Variants in STS observed in about 807,000 individuals in gnomAD.
STS encodes the protein steryl-sulfatase.
A neutral mutation model predicts 26.8 loss-of-function variants in STS; 7 were observed. The ratio of observed to expected loss-of-function variants is 0.26; its 90% CI spans 0.15 to 0.49. The LOEUF (loss-of-function observed/expected upper bound fraction) is 0.49, where lower values mean the gene tolerates loss of function less well. Among genes scored for constraint, STS ranks in the 20% least tolerant of loss-of-function variants. STS has a pLI of 0.98. For missense variants in STS, 434 were observed against 465.6 expected, an observed-to-expected ratio of 0.93 and a Z score of 0.63; for synonymous variants, 199 against 189.4, an observed-to-expected ratio of 1.05 and a Z score of -0.42.
At chrX:7,175,179 T>TAA (rs143220502) in intron 1 of STS, among the ~76,000 whole-genome samples, 39 of 42,079 alleles carry the variant, frequency 9.3e-4, no homozygotes, top group Admixed American at 3.4e-3. Flanking sequence ...TCTGAGCTGG[T>TAA]AAAAAAAAAA....
chrX:7,348,586 T>A (rs1044899727), intron 10 of STS, among the ~76,000 whole-genome samples: 1 of 112,413 alleles, frequency 8.9e-6, no homozygotes, highest in East Asian at 2.8e-4. Flanking sequence ...AGTCAGCTCC[T>A]CAGAAAATGA....
At chrX:7,267,219 C>T (rs1255723689) in intron 6 of STS, among the ~76,000 whole-genome samples, 1 of 111,988 alleles carries the variant, frequency 8.9e-6, no homozygotes, top group African/African-American at 3.2e-5. Context: ...AGTGTCTCAA[C>T]ACCTTTCTCC....
intron 2 of STS, among the ~76,000 whole-genome samples, chrX:7,205,124 AGTAAAATAGACTTTTGGGCAATT>A (rs1325247405): frequency 8.9e-6 from 1 of 111,788 alleles, no homozygotes; most frequent in Non-Finnish European, 1.9e-5. Flanking sequence ...TGGAGTTGTT[AGTAAAATAGACTTTTGGGCAATT>A]GCACAATCAT....
At chrX:7,318,578 A>G in intron 8 of STS, among the ~76,000 whole-genome samples, 1 of 111,988 alleles carries the variant, frequency 8.9e-6, no homozygotes. Flanking sequence ...GATTATGTTT[A>G]TGGATACATT....
intron 2 of STS, among the ~76,000 whole-genome samples, chrX:7,252,862 A>G (rs1350028264): frequency 3.6e-5 from 4 of 111,763 alleles, no homozygotes; most frequent in Non-Finnish European, 5.6e-5. Flanking sequence ...TTAGAAAGCT[A>G]CTAAACCAGG....
intron 10 of STS, 91 bp downstream of exon 10, chrX:7,334,198 C>T (rs1475678205): frequency 8.7e-7 from 1 of 1,149,577 alleles, no homozygotes; most frequent in East Asian, 3.0e-5. Flanking sequence ...GGTGGCTCTG[C>T]TCAATGGAGG....
rs185911973 is a variant in STS, at chrX:7,283,384, C to T, written c.943+7297C>T. Among the ~76,000 whole-genome samples, 112 of 111,879 alleles carry T rather than the reference C, an allele frequency of 1.0e-3. 3 individuals are homozygous for T. In the South Asian group the frequency reaches 0.038, roughly 38 times the overall value. ...TTCAACGGATAATGATCAATACCAA[C>T]GAGTACTTCAGAGACATCAAGAAGG... On this transcript the variant is annotated intron_variant, in intron 7 of 10. Coordinates refer to ENST00000674429, the MANE Select transcript of STS (RefSeq NM_001320752.2).
intron 7 of STS, among the ~76,000 whole-genome samples, chrX:7,304,443 A>G (rs1353899516): frequency 1.8e-5 from 2 of 111,431 alleles, no homozygotes; most frequent in Non-Finnish European, 1.9e-5. Context: ...AGGAATGTTG[A>G]TATTTGTGAT....
intron 2 of STS, among the ~76,000 whole-genome samples, chrX:7,245,166 A>G (rs1053546939): frequency 3.6e-5 from 4 of 111,134 alleles, no homozygotes; most frequent in African/African-American, 1.3e-4. Flanking sequence ...AAGCCATTAA[A>G]TCTACTTAGG....
At chrX:7,191,214 A>G (rs867934915) in intron 2 of STS, among the ~76,000 whole-genome samples, 1 of 111,974 alleles carries the variant, frequency 8.9e-6, no homozygotes, top group East Asian at 2.8e-4. Flanking sequence ...AAAAGGTCAA[A>G]GGGGAGCATC....
At chrX:7,233,732 T>C (rs1416102041) in intron 2 of STS, among the ~76,000 whole-genome samples, 1 of 111,663 alleles carries the variant, frequency 9.0e-6, no homozygotes, top group Non-Finnish European at 1.9e-5. Context: ...CATCGCTGTC[T>C]TCCTATGTCA....
chrX:7,160,615 A>G, intron 1 of STS, among the ~76,000 whole-genome samples: 1 of 111,887 alleles, frequency 8.9e-6, no homozygotes, highest in Non-Finnish European at 1.9e-5. Flanking sequence ...AACCTCATAT[A>G]TGAAAATACT....
chrX:7,233,749 CG>C (rs1922184086), intron 2 of STS, among the ~76,000 whole-genome samples: 2 of 111,268 alleles, frequency 1.8e-5, no homozygotes, highest in South Asian at 7.7e-4. Context: ...GTCAGATGCC[CG>C]GGCTGATTAC....
At chrX:7,205,800 G>C (rs767488745) in intron 2 of STS, among the ~76,000 whole-genome samples, 4 of 108,911 alleles carry the variant, frequency 3.7e-5, no homozygotes, top group African/African-American at 6.7e-5. Flanking sequence ...ACAAATTGTA[G>C]AGACAAGGTC....
chrX:7,338,406 G>C (rs1243094553), intron 10 of STS, among the ~76,000 whole-genome samples: 1 of 112,140 alleles, frequency 8.9e-6, no homozygotes, highest in African/African-American at 3.2e-5. Context: ...AGAATGCAAT[G>C]CAATATAGTA....
intron 2 of STS, among the ~76,000 whole-genome samples, chrX:7,219,004 C>T (rs1452703808): frequency 1.8e-5 from 2 of 112,044 alleles, no homozygotes; most frequent in African/African-American, 6.5e-5. Flanking sequence ...CATGATGCAA[C>T]CTGGCTCTGC....
chrX:7,319,988 T>G (rs1402658006), intron 8 of STS, among the ~76,000 whole-genome samples: 1 of 89,623 alleles, frequency 1.1e-5, no homozygotes, highest in Non-Finnish European at 2.0e-5. Context: ...GTATATATAT[T>G]TATATATATA....
intron 2 of STS, among the ~76,000 whole-genome samples, chrX:7,226,926 C>T (rs1364765190): frequency 8.9e-6 from 1 of 111,904 alleles, no homozygotes; most frequent in Admixed American, 9.5e-5. Context: ...ACTTGTTCTG[C>T]ATCTTCACTA....
At chrX:7,283,045 G>T (rs1209730982) in intron 7 of STS, among the ~76,000 whole-genome samples, 1 of 112,287 alleles carries the variant, frequency 8.9e-6, no homozygotes, top group Non-Finnish European at 1.9e-5. Flanking sequence ...AAAAGCCCAT[G>T]TTCTATTTGA....
Sources: allele counts gnomAD v4.1 joint callset (sites outside exome capture counted in the v4.1 genomes callset), GRCh38; gene constraint gnomAD v4.1.1; transcripts MANE v1.5; gene names NCBI Gene and HGNC (gene_info 2026-07-23, HGNC 2026-07-21).